The following PMM2 variants were observed in gnomAD, a reference collection of about 807,000 sequenced individuals.
The protein encoded by PMM2 is phosphomannomutase 2.
A neutral mutation model predicts 33.2 loss-of-function variants in PMM2; 35 were observed. The ratio of observed to expected loss-of-function variants is 1.06; its 90% CI spans 0.81 to 1.40. The LOEUF (loss-of-function observed/expected upper bound fraction) is 1.40, where lower values mean the gene tolerates loss of function less well. Among genes scored for constraint, PMM2 ranks in the 40% most tolerant of loss-of-function variants. The pLI is 0.00. For missense variants in PMM2, 386 were observed against 306.0 expected (o/e 1.26, Z -1.95); for synonymous variants, 153 against 114.7 (o/e 1.33, Z -2.13).
chr16:8,815,342 C>T lies in PMM2; in HGVS notation c.639+2236C>T, dbSNP rs147704977. Among the ~76,000 whole-genome samples the T allele has an allele frequency of 2.3e-3, 355 of 152,040 alleles. 2 individuals are homozygous for T. Among genetic ancestry groups the T allele is most frequent in the African/African-American group, 8.4e-3 (348 of 41,464 alleles). On this transcript the variant is annotated intron_variant, in intron 7 of 7. Coordinates refer to ENST00000268261, the MANE Select transcript of PMM2 (RefSeq NM_000303.3). The stretch of plus-strand genomic sequence containing the variant: ...TCCCTGGTTCAAGTGATTCTCGTGC[C>T]TCAGCCTCCCGATTAGTGGCTGGGA...
At chr16:8,829,313 T>G (rs566594968) in intron 7 of PMM2, 2 of 152,346 alleles carry the variant, frequency 1.3e-5, no homozygotes, top group African/African-American at 2.4e-5. Context: ...TGGGTTCCCA[T>G]TCTCTGTAGC....
chr16:8,811,857 C>G, intron 6 of PMM2, 144 bp downstream of exon 6: 1 of 696,252 alleles, frequency 1.4e-6, no homozygotes, highest in Non-Finnish European at 2.6e-6. Flanking sequence ...TAGACAAAAA[C>G]CAACCACTCT....
chr16:8,818,031 G>A (rs1269653873), intron 7 of PMM2, among the ~76,000 whole-genome samples: 1 of 151,732 alleles, frequency 6.6e-6, no homozygotes, highest in Non-Finnish European at 1.5e-5. Context: ...ATCCTCCCGA[G>A]TAGCTTGGAC....
intron 7 of PMM2, among the ~76,000 whole-genome samples, chr16:8,844,842 T>TA (rs1380330749): frequency 1.3e-5 from 2 of 151,962 alleles, no homozygotes; most frequent in East Asian, 3.9e-4. Flanking sequence ...CGGTGAGGGA[T>TA]AGGGAGGTTG....
At chr16:8,831,922 C>T (rs75594386) in intron 7 of PMM2, among the ~76,000 whole-genome samples, 24 of 152,278 alleles carry the variant, frequency 1.6e-4, no homozygotes, top group African/African-American at 5.1e-4. Flanking sequence ...TTCCCTCCCC[C>T]CTTCCCTCCC....
intron 7 of PMM2, among the ~76,000 whole-genome samples, chr16:8,835,817 G>A (rs2060842036): frequency 6.6e-6 from 1 of 151,932 alleles, no homozygotes; most frequent in South Asian, 2.1e-4. Flanking sequence ...ATGGTAAGGG[G>A]TGCATGATTG....
chr16:8,834,214 G>A (rs1224727761), intron 7 of PMM2, among the ~76,000 whole-genome samples: 1 of 152,202 alleles, frequency 6.6e-6, no homozygotes, highest in Non-Finnish European at 1.5e-5. Context: ...GTTGGAGGCT[G>A]AGCTTGGTGA....
chr16:8,824,819 TAGAG>T (rs956359901), intron 7 of PMM2, among the ~76,000 whole-genome samples: 2 of 152,212 alleles, frequency 1.3e-5, no homozygotes, highest in East Asian at 1.9e-4. Context: ...TTTACTCTGA[TAGAG>T]AGAAGACTCA....
intron 7 of PMM2, chr16:8,832,103 G>T (rs905229203): frequency 1.0e-6 from 1 of 980,460 alleles, no homozygotes; most frequent in African/African-American, 1.7e-5. Context: ...TTTGGGGTCC[G>T]CTTCACTTGC....
intron 5 of PMM2, 91 bp downstream of exon 5, chr16:8,811,269 A>T: frequency 1.1e-6 from 1 of 902,470 alleles, no homozygotes; most frequent in Non-Finnish European, 1.8e-6. Context: ...TAATCCCAAC[A>T]CTTTGGGAGG....
intron 7 of PMM2, among the ~76,000 whole-genome samples, chr16:8,844,101 A>C (rs528760014): frequency 3.9e-5 from 6 of 152,300 alleles, no homozygotes; most frequent in Middle Eastern, 3.4e-3. Context: ...AGGATGGAAA[A>C]ATTGAAAGTG....
At chr16:8,845,610 G>A (rs369970884) in intron 7 of PMM2, among the ~76,000 whole-genome samples, 10 of 151,350 alleles carry the variant, frequency 6.6e-5, no homozygotes, top group South Asian at 2.1e-4. Context: ...TTTGAGTCTC[G>A]CTCTGTTGCC....
At position 8,812,844 on chromosome 16, in the gene PMM2, T is replaced by C. The variant is rs1456671841; in HGVS notation, c.524-147T>C. On this transcript the variant is annotated intron_variant, in intron 6 of 7. Coordinates refer to ENST00000268261, the MANE Select transcript of PMM2 (RefSeq NM_000303.3). ...AGAATTAATTTCTAGAACCTATGCA[T>C]GAAGTAGTCTAAGTAGCAAACTAGA... is the stretch of plus-strand genomic sequence containing the variant. The C allele has an allele frequency of 1.3e-5, 9 of 679,070 alleles. No homozygotes were observed. The Admixed American group carries it at 1.7e-4, about 13-fold the overall frequency. 42.1% of individuals were successfully genotyped at this position (679,070 alleles called of 1,614,324 possible).
intron 7 of PMM2, among the ~76,000 whole-genome samples, chr16:8,838,882 CT>C (rs1196059510): frequency 1.3e-5 from 2 of 151,806 alleles, no homozygotes; most frequent in East Asian, 3.9e-4. Flanking sequence ...AAAAACAACA[CT>C]CTTCATTTAA....
chr16:8,810,102 G>T (rs117212549), intron 4 of PMM2: 1 of 152,188 alleles, frequency 6.6e-6, no homozygotes, highest in Non-Finnish European at 1.5e-5. Context: ...GTGAGGTACC[G>T]CGCCCAGCCA....
chr16:8,843,540 G>T (rs149434173), intron 7 of PMM2, among the ~76,000 whole-genome samples: 3,897 of 152,164 alleles, frequency 0.026, 168 homozygotes, highest in African/African-American at 0.088. Flanking sequence ...TCTGGCACGT[G>T]TAGCAAGCTC....
chr16:8,847,475 C>G (rs985683984), intron 7 of PMM2, among the ~76,000 whole-genome samples: 7 of 151,838 alleles, frequency 4.6e-5, no homozygotes, highest in African/African-American at 1.7e-4. Context: ...GCAAGAACAT[C>G]GTGATGGCTC....
At chr16:8,837,337 T>G (rs1380198403) in intron 7 of PMM2, among the ~76,000 whole-genome samples, 1 of 151,924 alleles carries the variant, frequency 6.6e-6, no homozygotes, top group Non-Finnish European at 1.5e-5. Flanking sequence ...ACTGTCGAGT[T>G]TGTATTGGGG....
At chr16:8,842,213 A>G (rs1436032966) in intron 7 of PMM2, 1 of 152,238 alleles carries the variant, frequency 6.6e-6, no homozygotes, top group Admixed American at 6.5e-5. Context: ...GTGTGTTTTT[A>G]TGAGAATTAT....
Sources: allele counts gnomAD v4.1 joint callset (sites outside exome capture counted in the v4.1 genomes callset), GRCh38; gene constraint gnomAD v4.1.1; transcripts MANE v1.5; gene names NCBI Gene and HGNC (gene_info 2026-07-23, HGNC 2026-07-21).